The following MMP7 variants were observed in gnomAD, a reference collection of about 807,000 sequenced individuals.
MMP7 encodes matrilysin.
In MMP7, 26 loss-of-function variants were observed where a neutral mutation model predicts 31.5. That is an observed-to-expected ratio of 0.83 (90% CI 0.61 to 1.15). The LOEUF (loss-of-function observed/expected upper bound fraction) is 1.15. MMP7 is among the 50% of genes most tolerant of loss of function. The pLI is 0.00. For synonymous variants in MMP7, 142 were observed against 124.2 expected (o/e 1.14, Z -0.95); for missense variants, 367 against 326.5 (o/e 1.12, Z -0.96).
chr11:102,523,749 C>T (rs1464938045), intron 4 of MMP7, among the ~76,000 whole-genome samples: 33 of 152,234 alleles, frequency 2.2e-4, no homozygotes, highest in Admixed American at 2.2e-3. Context: ...AGCTGGACAA[C>T]TCTGGACAGA....
chr11:102,528,040 A>G, intron 1 of MMP7, 57 bp from the exon 2 acceptor site: 9 of 1,259,794 alleles, frequency 7.1e-6, no homozygotes, highest in Middle Eastern at 2.7e-4. Context: ...CTTTTATCTT[A>G]GAAGCCTATA....
chr11:102,524,218 A>C (rs1405730387), intron 4 of MMP7: 1 of 152,200 alleles, frequency 6.6e-6, no homozygotes, highest in Non-Finnish European at 1.5e-5. Context: ...ATAGATTTTC[A>C]CAGCAAGACA....
chr11:102,524,695 G>T lies in MMP7; in HGVS notation c.613+241C>A, dbSNP rs534068516. 6 of 275,788 alleles carry T rather than the reference G, an allele frequency of 2.2e-5. No individual in the cohort carries two copies. In the South Asian group the frequency reaches 6.6e-4, roughly 30 times the overall value. 17.1% of individuals were successfully genotyped at this position (275,788 alleles called of 1,614,324 possible). On this transcript the variant is annotated intron_variant, in intron 4 of 5. Transcript: ENST00000260227. The stretch of plus-strand genomic sequence containing the variant: ...TCAATAACTTGCCCAATGACACAGA[G>T]TAATTGGTAGACGTACAGCAAATTG...
At chr11:102,523,800 CAG>C (rs1004574216) in intron 4 of MMP7, among the ~76,000 whole-genome samples, 1 of 152,146 alleles carries the variant, frequency 6.6e-6, no homozygotes, top group African/African-American at 2.4e-5. Flanking sequence ...ATCTGTTAAA[CAG>C]AGACAGTAAT....
In MMP7 at chr11:102,527,505, C is replaced by G; in HGVS notation, c.484+19G>C. On this transcript the variant is annotated intron_variant, in intron 3 of 5. Coordinates refer to ENST00000260227, the MANE Select transcript of MMP7 (RefSeq NM_002423.5). ...AAACAAAACAGGACACAGGATTAGC[C>G]TACAGGAATCTTTCTTACCTCCTCG... 1 of 1,614,046 alleles carries G rather than the reference C, an allele frequency of 6.2e-7. No individual in the cohort carries two copies. The highest frequency in any genetic ancestry group is 8.5e-7 in the Non-Finnish European group (1 of 1,179,972).
chr11:102,527,403 A>G (rs1858683555), intron 3 of MMP7, 121 bp downstream of exon 3: 2 of 1,187,232 alleles, frequency 1.7e-6, no homozygotes. Context: ...CTATCTATTA[A>G]CTATCTATCT....
At chr11:102,528,187 G>A (rs769671533) in intron 1 of MMP7, among the ~76,000 whole-genome samples, 15 of 152,250 alleles carry the variant, frequency 9.9e-5, no homozygotes, top group East Asian at 1.9e-4. Context: ...GTGCCATTTC[G>A]TGAGCAAAAG....
rs7926470 is a variant in MMP7 at position 102,523,470 on chromosome 11, T to A, written c.614-69A>T. On this transcript the variant is annotated intron_variant, in intron 4 of 5. Transcript: ENST00000260227. Reference sequence around the variant, plus strand: ...CATACATTATGTAATATTATATATATGATATCATAATTTAAAAAAACTAAA... The same window carrying A: ...CATACATTATGTAATATTATATATAAGATATCATAATTTAAAAAAACTAAA... 5,779 of 1,229,824 alleles carry A rather than the reference T, an allele frequency of 4.7e-3. 210 individuals carry two copies. The African/African-American group carries it at 0.08, about 17-fold the overall frequency. 76.2% of individuals were successfully genotyped at this position (1,229,824 alleles called of 1,614,324 possible).
chr11:102,526,117 A>G (rs1283402560), intron 3 of MMP7, among the ~76,000 whole-genome samples: 2 of 151,536 alleles, frequency 1.3e-5, no homozygotes, highest in African/African-American at 4.8e-5. Context: ...ATTAAGAACA[A>G]TTTATGTATA....
At chr11:102,522,029 T>C (rs1858619088) in intron 5 of MMP7, among the ~76,000 whole-genome samples, 1 of 152,214 alleles carries the variant, frequency 6.6e-6, no homozygotes, top group Admixed American at 6.5e-5. Context: ...AAAAGGATTA[T>C]AATTTAGGAA....
At chr11:102,530,527 G>T in intron 1 of MMP7, 66 bp downstream of exon 1, 1 of 1,319,838 alleles carries the variant, frequency 7.6e-7, no homozygotes, top group Non-Finnish European at 1.1e-6. Context: ...GGAAATAATT[G>T]AAAAACACAT....
At chr11:102,526,366 A>G (rs1474993412) in intron 3 of MMP7, among the ~76,000 whole-genome samples, 3 of 151,574 alleles carry the variant, frequency 2.0e-5, no homozygotes, top group Non-Finnish European at 4.4e-5. Context: ...CAGCCTCCCA[A>G]GCAGCTGGAA....
At chr11:102,525,192 C>A (rs181313874) in intron 3 of MMP7, 128 bp from the exon 4 acceptor site, 4 of 1,153,782 alleles carry the variant, frequency 3.5e-6, no homozygotes, top group African/African-American at 1.6e-5. Context: ...TGGTGGCTCA[C>A]TTTGCGAGGC....
intron 5 of MMP7, among the ~76,000 whole-genome samples, chr11:102,522,542 A>G (rs182290373): frequency 1.9e-3 from 293 of 152,336 alleles, no homozygotes; most frequent in African/African-American, 6.8e-3. Flanking sequence ...CGACAGTCAC[A>G]TGACCTTGGA....
chr11:102,530,495 A>T, intron 1 of MMP7, 98 bp downstream of exon 1: 2 of 943,090 alleles, frequency 2.1e-6, no homozygotes, highest in Non-Finnish European at 3.4e-6. Context: ...AGAAAATTCC[A>T]CTGCAATGCT....
chr11:102,523,143 G>T, intron 5 of MMP7, 97 bp downstream of exon 5: 5 of 904,798 alleles, frequency 5.5e-6, no homozygotes, highest in Non-Finnish European at 6.5e-6. Flanking sequence ...GTTCCAGTGT[G>T]GTTTTCCAGG....
Position 102,525,024 on chromosome 11 carries a change from C to T in MMP7, c.525G>A (p.Thr175=), listed in dbSNP as rs752373573. 1.2e-5 allele frequency: 19 copies of T among 1,613,408 alleles called. No homozygotes were observed. Among genetic ancestry groups the T allele is most frequent in the East Asian group, 8.9e-5 (4 of 44,862 alleles). The change falls in exon 4 of 6, where the codon ACG becomes ACA. Residue 175 remains threonine (T), a synonymous_variant. Coordinates refer to ENST00000260227, the MANE Select transcript of MMP7 (RefSeq NM_002423.5). ...TCCCAGGCGCAAAGGCATGAGCCAG[C>T]GTGTTTCCTGGCCCATCAAATGGGT... ...DSYPFDGPGN[T]LAHAFAPGTG...
At position 102,530,702 on chromosome 11, in the gene MMP7, G is replaced by A. The variant is rs753768199; in HGVS notation, c.-2C>T. The A allele has an allele frequency of 6.8e-6, 11 of 1,612,742 alleles. No individual in the cohort carries two copies. The highest frequency in any genetic ancestry group is 3.3e-4 in the Middle Eastern group (2 of 6,078). On this transcript the variant is annotated 5_prime_UTR_variant, in exon 1 of 6. Coordinates refer to ENST00000260227, the MANE Select transcript of MMP7 (RefSeq NM_002423.5). The stretch of plus-strand genomic sequence containing the variant: ...AGCACACAGCACGGTGAGTCGCATA[G>A]CTGCCGTCCAGAGACAATTGTTCTT...
Position 102,524,930 on chromosome 11 carries a change from C to T in MMP7, c.613+6G>A, listed in dbSNP as rs61751460. The T allele has an allele frequency of 0.01, 16,388 of 1,612,074 alleles. 162 individuals carry two copies. The highest frequency in any genetic ancestry group is 0.064 in the Middle Eastern group (384 of 6,032). ...TGTGGAGTAGAAGAGACATGAGATGCTATACCTAGACTGCTACCATCCGTC... is the reference window on the plus strand; with the variant it reads ...TGTGGAGTAGAAGAGACATGAGATGTTATACCTAGACTGCTACCATCCGTC... On this transcript the variant is annotated splice_donor_region_variant and intron_variant, in intron 4 of 5. Coordinates refer to ENST00000260227, the MANE Select transcript of MMP7 (RefSeq NM_002423.5).
Sources: gnomAD v4.1 joint callset for allele counts (sites outside exome capture counted in the v4.1 genomes callset) on GRCh38, gnomAD v4.1.1 for gene constraint, MANE v1.5 for transcripts, NCBI Gene and HGNC (gene_info 2026-07-23, HGNC 2026-07-21) for gene names.